SULT2A1: variants seen among roughly 807,000 people sequenced by gnomAD.
SULT2A1 encodes the protein sulfotransferase 2A1.
In SULT2A1, 43 loss-of-function variants were observed where a neutral mutation model predicts 33.9. The observed-to-expected ratio is 1.27, with a 90% CI of 1.00 to 1.64. The LOEUF is 1.64. Among genes scored for constraint, SULT2A1 ranks in the 40% most tolerant of loss-of-function variants. SULT2A1 has a pLI of 0.00. For missense variants in SULT2A1, 300 were observed against 335.1 expected (o/e 0.90, Z 0.82); for synonymous variants, 125 against 113.6 (o/e 1.10, Z -0.64).
intron 3 of SULT2A1, 113 bp downstream of exon 3, chr19:47,881,971 G>C: frequency 7.1e-7 from 1 of 1,417,032 alleles, no homozygotes; most frequent in Non-Finnish European, 9.7e-7. Context: ...GGCCTCCAGG[G>C]GTGGTGGAGC....
Position 47,883,741 on chromosome 19 carries a change from C to T in SULT2A1, c.181G>A (p.Gly61Arg). The change falls in exon 2 of 6, where the codon GGG becomes AGG. Residue 61 changes from glycine to arginine, a missense_variant. Transcript: ENST00000222002. Reference protein sequence around the residue: ...AEILCLMHSKGDAKWIQSVPI... With the variant: ...AEILCLMHSKRDAKWIQSVPI... ...ACAGATTGGATCCACTTGGCATCCC[C>T]CTTGGAGTGCATCAGGCAGAGAATC... 1 of 1,614,052 alleles carries T rather than the reference C, an allele frequency of 6.2e-7. No individual in the cohort carries two copies. Among genetic ancestry groups the T allele is most frequent in the Non-Finnish European group, 8.5e-7 (1 of 1,180,004 alleles).
chr19:47,878,619 C>T (rs555623047), intron 4 of SULT2A1, among the ~76,000 whole-genome samples: 5 of 149,378 alleles, frequency 3.3e-5, no homozygotes, highest in South Asian at 2.1e-4. Context: ...CAGGTTCAAG[C>T]GATTCTCCTG....
chr19:47,872,352 G>A (rs971454233), intron 5 of SULT2A1, among the ~76,000 whole-genome samples: 4 of 152,104 alleles, frequency 2.6e-5, no homozygotes, highest in South Asian at 2.1e-4. Context: ...TGCTGGAGGC[G>A]CTTACAGGGC....
At chr19:47,874,150 C>G (rs1021518419) in intron 5 of SULT2A1, among the ~76,000 whole-genome samples, 1 of 152,142 alleles carries the variant, frequency 6.6e-6, no homozygotes, top group African/African-American at 2.4e-5. Flanking sequence ...CCGGGCGGAA[C>G]CAATTTTCCC....
In SULT2A1 at chr19:47,883,702, G is replaced by A. The variant is rs62529832; in HGVS notation, c.220C>T (p.Arg74Ter). The change falls in exon 2 of 6, where the codon CGA becomes TGA. Residue 74 changes from arginine (R) to a stop codon, truncating the protein, a stop_gained. Transcript: ENST00000222002. LOFTEE classifies it high-confidence loss of function. ...ATCTCACTCTCTACCCAGGGTGATCGCTCCCAGATGGGCACAGATTGGATC... is the reference window on the plus strand; with the variant it reads ...ATCTCACTCTCTACCCAGGGTGATCACTCCCAGATGGGCACAGATTGGATC... Reference protein sequence around the residue: ...KWIQSVPIWERSPWVESEIGY... With the variant: ...KWIQSVPIWE 56 of 1,614,024 alleles carry A rather than the reference G, an allele frequency of 3.5e-5. No individual in the cohort carries two copies. The East Asian group carries it at 1.0e-3, about 30-fold the overall frequency.
chr19:47,879,961 G>T (rs1209862786), intron 3 of SULT2A1, among the ~76,000 whole-genome samples: 2 of 151,818 alleles, frequency 1.3e-5, no homozygotes, highest in East Asian at 1.9e-4. Context: ...CCTAGGCCAG[G>T]TACGGTGGCT....
intron 5 of SULT2A1, among the ~76,000 whole-genome samples, chr19:47,872,487 C>T (rs755199526): frequency 6.6e-6 from 1 of 152,132 alleles, no homozygotes; most frequent in Non-Finnish European, 1.5e-5. Context: ...ACTCCTCAGA[C>T]TATTGGCGTC....
At chr19:47,875,634 T>C (rs554274982) in intron 4 of SULT2A1, among the ~76,000 whole-genome samples, 1 of 151,986 alleles carries the variant, frequency 6.6e-6, no homozygotes, top group Non-Finnish European at 1.5e-5. Flanking sequence ...TGAGACCCTG[T>C]CTCAAAAACA....
intron 2 of SULT2A1, 65 bp downstream of exon 2, chr19:47,883,512 G>T: frequency 6.8e-7 from 1 of 1,475,678 alleles, no homozygotes; most frequent in South Asian, 1.2e-5. Context: ...ATCTCCAGAT[G>T]ACTTATAGGC....
chr19:47,880,667 A>G (rs573987225), intron 3 of SULT2A1, among the ~76,000 whole-genome samples: 3 of 151,674 alleles, frequency 2.0e-5, no homozygotes, highest in Non-Finnish European at 2.9e-5. Context: ...GCTCGCTGCA[A>G]CCTCTGCCTC....
At chr19:47,884,158 TTTTA>T (rs1377872363) in intron 1 of SULT2A1, among the ~76,000 whole-genome samples, 1 of 132,908 alleles carries the variant, frequency 7.5e-6, no homozygotes, top group African/African-American at 2.9e-5. Context: ...ACCTTAATTT[TTTTA>T]TTATTTATTT....
chr19:47,877,888 A>G (rs1968562865), intron 4 of SULT2A1, among the ~76,000 whole-genome samples: 1 of 152,162 alleles, frequency 6.6e-6, no homozygotes. Context: ...TCTGAGTATC[A>G]TCGGACAGCT....
chr19:47,884,690 C>T (rs1031864632), intron 1 of SULT2A1, among the ~76,000 whole-genome samples: 1 of 151,510 alleles, frequency 6.6e-6, no homozygotes, highest in African/African-American at 2.4e-5. Context: ...GAGATCAGGC[C>T]TTGCTATGTT....
In SULT2A1 at chr19:47,874,727, T is replaced by G; in HGVS notation, c.675A>C (p.Glu225Asp). The G allele has an allele frequency of 6.2e-7, 1 of 1,614,170 alleles. No individual in the cohort carries two copies. Among genetic ancestry groups the G allele is most frequent in the Non-Finnish European group, 8.5e-7 (1 of 1,180,000 alleles). Residue 225 changes from glutamate to aspartate, a missense_variant, in exon 5 of 6, where the codon GAA becomes GAC. Transcript: ENST00000222002. The stretch of plus-strand genomic sequence containing the variant: ...GGAGGGAATAATTGGACATCTTGTT[T>G]TCTTTCATGCTCTGAAAGGAGCTGT... ...LKNSSFQSMK[E>D]NKMSNYSLLS...
rs750758444 is a variant in SULT2A1, at chr19:47,886,177, A to G, written c.81T>C (p.Arg27=). Residue 27 remains arginine (R), a synonymous_variant, in exon 1 of 6, where the codon CGT becomes CGC. Transcript: ENST00000222002. ...GFRSETLRKV[R]DEFVIRDEDV... ...CTTCATCCCTTATCACGAACTCATC[A>G]CGTACTTTTCTTAAGGTTTCGGATC... 4.3e-6 allele frequency: 7 copies of G among 1,613,902 alleles called. No homozygotes were observed. The African/African-American group carries it at 8.0e-5, about 18-fold the overall frequency.
At chr19:47,873,614 C>CTTTTTTTTTTTTTTTTTT (rs61271763) in intron 5 of SULT2A1, among the ~76,000 whole-genome samples, 3 of 62,098 alleles carry the variant, frequency 4.8e-5, no homozygotes, top group African/African-American at 2.3e-4. Context: ...GGACAGATCT[C>CTTTTTTTTTTTTTTTTTT]TTTTTTTTTT....
At chr19:47,874,430 C>G (rs914310652) in intron 5 of SULT2A1, among the ~76,000 whole-genome samples, 1 of 150,914 alleles carries the variant, frequency 6.6e-6, no homozygotes, top group African/African-American at 2.4e-5. Context: ...TTTCCAGCTA[C>G]TCGGGAGGCT....
chr19:47,886,015 C>G (rs938739553), intron 1 of SULT2A1, 107 bp downstream of exon 1: 7 of 1,386,968 alleles, frequency 5.0e-6, no homozygotes, highest in Non-Finnish European at 6.9e-6. Context: ...CTCTCTTCCC[C>G]TTAAAGCATT....
chr19:47,878,990 A>G, intron 4 of SULT2A1, 46 bp downstream of exon 4: 1 of 1,173,776 alleles, frequency 8.5e-7, no homozygotes, highest in Non-Finnish European at 1.3e-6. Context: ...GAAAGTAAGG[A>G]TGGTGGTGAG....
Sources: gnomAD v4.1 joint callset for allele counts (sites outside exome capture counted in the v4.1 genomes callset) on GRCh38, gnomAD v4.1.1 for gene constraint, MANE v1.5 for transcripts, NCBI Gene and HGNC (gene_info 2026-07-23, HGNC 2026-07-21) for gene names.